DCAF6: variants seen among roughly 807,000 people sequenced by gnomAD.
The protein encoded by DCAF6 is DDB1 and CUL4 associated factor 6, also known as DDB1- and CUL4-associated factor 6.
In DCAF6, 54 loss-of-function variants were observed where a neutral mutation model predicts 125.1. The observed-to-expected ratio is 0.43, with a 90% CI of 0.35 to 0.54. The LOEUF (loss-of-function observed/expected upper bound fraction) is 0.54, where lower values mean the gene tolerates loss of function less well. Ranked by LOEUF, DCAF6 falls within the 20% of genes least tolerant of loss-of-function variation. The pLI is 0.01. For synonymous variants in DCAF6, 371 were observed against 390.4 expected (o/e 0.95, Z 0.58); for missense variants, 934 against 1,161.7 (o/e 0.80, Z 2.85).
In DCAF6 at chr1:168,044,887, T is replaced by C; in HGVS notation, c.1931-13T>C. The C allele has an allele frequency of 6.2e-7, 1 of 1,610,710 alleles. No individual in the cohort carries two copies. The highest frequency in any genetic ancestry group is 8.5e-7 in the Non-Finnish European group (1 of 1,178,708). ...CATTACCACCTGTTACATACAACTT[T>C]ATTTTCTGACAGCACAATCAGATAA... On this transcript the variant is annotated splice_polypyrimidine_tract_variant and intron_variant, in intron 15 of 21. Coordinates refer to ENST00000367840, the MANE Select transcript of DCAF6 (RefSeq NM_001198956.2).
chr1:168,033,886 G>C (rs1369919462), intron 12 of DCAF6, among the ~76,000 whole-genome samples: 1 of 152,150 alleles, frequency 6.6e-6, no homozygotes, highest in Non-Finnish European at 1.5e-5. Context: ...AGTTAAAAGG[G>C]ATTTTTTCCC....
At chr1:167,893,727 T>G in the DCAF6 span, 5 of 594,564 alleles carry the variant, frequency 8.4e-6, no homozygotes, top group South Asian at 1.7e-5. Flanking sequence ...AAAGGAAGTC[T>G]TTTTATTTTA....
the DCAF6 span, among the ~76,000 whole-genome samples, chr1:167,892,660 G>T: frequency 6.6e-6 from 1 of 152,086 alleles, no homozygotes. Context: ...CAGGCACTAG[G>T]GGTAATGTTT....
intron 19 of DCAF6, 113 bp downstream of exon 19, chr1:168,065,859 C>T: frequency 1.0e-6 from 1 of 993,716 alleles, no homozygotes; most frequent in Admixed American, 2.9e-5. Flanking sequence ...AACTATCTGA[C>T]TAGGCAGCAG....
intron 3 of DCAF6, among the ~76,000 whole-genome samples, chr1:167,967,714 CTTTTT>C (rs552208317): frequency 0.035 from 2,608 of 74,580 alleles, 25 homozygotes; most frequent in African/African-American, 0.13. Context: ...TTTCCTGTAT[CTTTTT>C]TTTTTTTTTT....
In DCAF6 at chr1:168,023,057, A is replaced by G. The variant is rs776732862; in HGVS notation, c.1609+10A>G. On this transcript the variant is annotated intron_variant, in intron 12 of 21. Transcript: ENST00000367840. Reference sequence around the variant, plus strand: ...CTTGACGAGCAACAGGGTGCGTGCAACAGGAGATGCGCTATGCCCATCCAT... The same window carrying G: ...CTTGACGAGCAACAGGGTGCGTGCAGCAGGAGATGCGCTATGCCCATCCAT... 1 of 1,614,068 alleles carries G rather than the reference A, an allele frequency of 6.2e-7. No homozygotes were observed. Among genetic ancestry groups the G allele is most frequent in the Admixed American group, 1.7e-5 (1 of 60,010 alleles).
At chr1:167,929,548 CAT>C in the DCAF6 span, among the ~76,000 whole-genome samples, 3 of 152,108 alleles carry the variant, frequency 2.0e-5, no homozygotes, top group African/African-American at 7.2e-5. Context: ...TAATAACAGA[CAT>C]AAATTTTCAA....
chr1:167,937,075 C>A, intron 1 of DCAF6, 67 bp downstream of exon 1: 1 of 1,391,988 alleles, frequency 7.2e-7, no homozygotes, highest in East Asian at 2.4e-5. Flanking sequence ...GGCACGCTGC[C>A]GGGTCTGTTG....
At position 167,958,910 on chromosome 1, in the gene DCAF6, C is replaced by A. The variant is rs115859007; in HGVS notation, c.159+7049C>A. On this transcript the variant is annotated intron_variant, in intron 2 of 21. Coordinates refer to ENST00000367840, the MANE Select transcript of DCAF6 (RefSeq NM_001198956.2). The stretch of plus-strand genomic sequence containing the variant: ...TAATCCATCCAAAGTCCATAGTTTA[C>A]AATAGGGCTCACTCTTGGTTTCAGG... 3.0e-3 allele frequency among the ~76,000 whole-genome samples: 451 copies of A among 152,284 alleles called. 2 individuals carry two copies. Among genetic ancestry groups the A allele is most frequent in the African/African-American group, 0.01 (432 of 41,550 alleles).
chr1:167,968,926 T>A (rs942884106), intron 3 of DCAF6, among the ~76,000 whole-genome samples: 5 of 152,220 alleles, frequency 3.3e-5, no homozygotes, highest in African/African-American at 4.8e-5. Flanking sequence ...TATCTGCTTC[T>A]TGGTATTATT....
intron 7 of DCAF6, among the ~76,000 whole-genome samples, chr1:167,996,293 C>G (rs1037453666): frequency 2.7e-5 from 4 of 150,758 alleles, no homozygotes; most frequent in Non-Finnish European, 5.9e-5. Flanking sequence ...CTCTTTTCTT[C>G]TTTTTGACAG....
intron 20 of DCAF6, 29 bp from the exon 21 acceptor site, chr1:168,068,329 T>C: frequency 6.6e-7 from 1 of 1,509,006 alleles, no homozygotes; most frequent in South Asian, 1.1e-5. Context: ...CTTTATGATC[T>C]TTGATACGAT....
the DCAF6 span, chr1:167,878,315 C>T: frequency 2.0e-6 from 2 of 999,986 alleles, no homozygotes; most frequent in Non-Finnish European, 3.1e-6. Flanking sequence ...AAGTCTGGGC[C>T]TTGGTCTGGG....
intron 11 of DCAF6, chr1:168,020,099 A>G (rs1181297074): frequency 6.6e-6 from 1 of 152,230 alleles, no homozygotes; most frequent in African/African-American, 2.4e-5. Context: ...TCAATACCAT[A>G]TGTCTGAAAA....
At chr1:168,009,371 C>T (rs1251990269) in intron 10 of DCAF6, among the ~76,000 whole-genome samples, 1 of 138,536 alleles carries the variant, frequency 7.2e-6, no homozygotes, top group Non-Finnish European at 1.5e-5. Context: ...TCCTTCCTTC[C>T]TTCCTTCCTT....
chr1:167,953,339 A>G (rs986665188), intron 2 of DCAF6, among the ~76,000 whole-genome samples: 8 of 152,182 alleles, frequency 5.3e-5, no homozygotes, highest in African/African-American at 1.7e-4. Context: ...CTAATTAAAC[A>G]GCATGCCACG....
At chr1:167,890,439 G>A in the DCAF6 span, among the ~76,000 whole-genome samples, 1 of 151,972 alleles carries the variant, frequency 6.6e-6, no homozygotes, top group Non-Finnish European at 1.5e-5. Context: ...TGAGCTGCTT[G>A]GAGCTGGGGG....
chr1:167,985,186 TGTGTGTGTGTGTGTGTGTGTGTGTG>T (rs1160150074), intron 4 of DCAF6, among the ~76,000 whole-genome samples: 1 of 132,894 alleles, frequency 7.5e-6, no homozygotes, highest in Non-Finnish European at 1.5e-5. Flanking sequence ...AACCACGTCG[TGTGTGTGTGTGTGTGTGTGTGTGTG>T]GTGTGTGTGT....
chr1:167,924,349 G>T, the DCAF6 span: 1 of 567,148 alleles, frequency 1.8e-6, no homozygotes, highest in Non-Finnish European at 2.9e-6. Context: ...TGTAGAAAAC[G>T]ATATGTCTGA....
Sources: allele counts gnomAD v4.1 joint callset (sites outside exome capture counted in the v4.1 genomes callset), GRCh38; gene constraint gnomAD v4.1.1; transcripts MANE v1.5; gene names NCBI Gene and HGNC (gene_info 2026-07-23, HGNC 2026-07-21).